The following BABAM2 variants were observed in gnomAD, a reference collection of about 807,000 sequenced individuals.
The protein encoded by BABAM2 is BRISC and BRCA1-A complex member 2.
In BABAM2, 31 loss-of-function variants were observed where a neutral mutation model predicts 54.7. The ratio of observed to expected loss-of-function variants is 0.57; its 90% confidence interval spans 0.43 to 0.77. The LOEUF (loss-of-function observed/expected upper bound fraction) is 0.77, where lower values mean the gene tolerates loss of function less well. Ranked by LOEUF, BABAM2 falls within the 30% of genes least tolerant of loss-of-function variation. The pLI is 0.00. For synonymous variants in BABAM2, 167 were observed against 162.9 expected (o/e 1.03, Z -0.19); for missense variants, 364 against 455.8 (o/e 0.80, Z 1.83).
At chr2:28,056,830 C>G (rs1260235281) in intron 6 of BABAM2, among the ~76,000 whole-genome samples, 2 of 152,168 alleles carry the variant, frequency 1.3e-5, no homozygotes, top group African/African-American at 4.8e-5. Context: ...TATTGTGTCA[C>G]TTATTATTGG....
intron 6 of BABAM2, among the ~76,000 whole-genome samples, chr2:28,112,083 CTCTTTCTT>C (rs1194065542): frequency 1.3e-4 from 13 of 98,812 alleles, no homozygotes; most frequent in African/African-American, 3.9e-4. Flanking sequence ...ATACCCATTA[CTCTTTCTT>C]TCTTTCTTTC....
chr2:28,118,220 C>A (rs1011294119), intron 6 of BABAM2, among the ~76,000 whole-genome samples: 11 of 152,128 alleles, frequency 7.2e-5, no homozygotes, highest in African/African-American at 2.7e-4. Context: ...ATTTATATTC[C>A]TTTGGGTATA....
chr2:28,027,750 A>C (rs1008524036), intron 5 of BABAM2, among the ~76,000 whole-genome samples: 4 of 152,202 alleles, frequency 2.6e-5, no homozygotes, highest in African/African-American at 9.7e-5. Flanking sequence ...GACTTTTATG[A>C]ATAATGCTGC....
intron 7 of BABAM2, among the ~76,000 whole-genome samples, chr2:28,190,634 C>T (rs939651134): frequency 6.6e-6 from 1 of 152,168 alleles, no homozygotes; most frequent in South Asian, 2.1e-4. Context: ...TTATGGAGAG[C>T]CGAGATGGCG....
chr2:28,135,836 C>T lies in BABAM2; in HGVS notation c.680+6456C>T, dbSNP rs116025131. Among the ~76,000 whole-genome samples, 635 of 152,244 alleles carry T rather than the reference C, an allele frequency of 4.2e-3. 4 individuals carry two copies. The highest frequency in any genetic ancestry group is 0.015 in the African/African-American group (613 of 41,518). On this transcript the variant is annotated intron_variant, in intron 7 of 11. Coordinates refer to ENST00000379624, the MANE Select transcript of BABAM2 (RefSeq NM_199191.3). ...TCATGCCTACTATCATTACCTAGTT[C>T]AGTCTTCCAGTTGCCATGGGTCCTG...
chr2:28,301,701 A>T (rs558173880), intron 11 of BABAM2, among the ~76,000 whole-genome samples: 57 of 151,948 alleles, frequency 3.8e-4, no homozygotes, highest in South Asian at 2.1e-4. Context: ...CATCCACTCT[A>T]CTTTGCCAGC....
chr2:28,277,584 A>G (rs989905412), intron 10 of BABAM2, among the ~76,000 whole-genome samples: 1 of 152,336 alleles, frequency 6.6e-6, no homozygotes, highest in South Asian at 2.1e-4. Flanking sequence ...ACCCCGCCCC[A>G]TGCCTGCCCT....
intron 11 of BABAM2, among the ~76,000 whole-genome samples, chr2:28,333,292 G>A (rs538988506): frequency 2.6e-5 from 4 of 152,136 alleles, no homozygotes; most frequent in African/African-American, 7.2e-5. Flanking sequence ...GCCAGGCCTC[G>A]AGCCCAGTCC....
At chr2:28,176,712 G>A (rs1010538557) in intron 7 of BABAM2, among the ~76,000 whole-genome samples, 1 of 149,628 alleles carries the variant, frequency 6.7e-6, no homozygotes, top group Non-Finnish European at 1.5e-5. Flanking sequence ...GAACCAAATG[G>A]AAATTCTGAA....
At position 28,304,819 on chromosome 2, in the gene BABAM2, C is replaced by A. The variant is rs1295907602; in HGVS notation, c.1088+6328C>A. On this transcript the variant is annotated intron_variant, in intron 11 of 11. Transcript: ENST00000379624. This position sits in a 1 kb window ranked among gnomAD's most constrained non-coding sequence, Gnocchi z 4.0. Reference sequence around the variant, plus strand: ...CTGGTCTCGAACTCCTGAGCACAGGCAATCCACCTGCCTTGGCCTCCCAAA... The same window carrying A: ...CTGGTCTCGAACTCCTGAGCACAGGAAATCCACCTGCCTTGGCCTCCCAAA... 6.7e-6 allele frequency among the ~76,000 whole-genome samples: 1 copy of A among 149,360 alleles called. No individual in the cohort carries two copies.
chr2:27,893,043 T>C (rs72810571), intron 1 of BABAM2, among the ~76,000 whole-genome samples: 4,398 of 152,342 alleles, frequency 0.029, 103 homozygotes, highest in South Asian at 0.1. Context: ...TTTTCAACAT[T>C]TATTTTAGCA....
chr2:28,214,741 C>T (rs1199551238), intron 7 of BABAM2, among the ~76,000 whole-genome samples: 5 of 150,682 alleles, frequency 3.3e-5, no homozygotes, highest in Non-Finnish European at 7.4e-5. Flanking sequence ...TGTTCTTTAT[C>T]AGCTTGGGTA....
intron 10 of BABAM2, among the ~76,000 whole-genome samples, chr2:28,295,862 C>A (rs1414789794): frequency 6.6e-6 from 1 of 152,074 alleles, no homozygotes; most frequent in Non-Finnish European, 1.5e-5. Flanking sequence ...AATCCCAGCA[C>A]TTTGGGAGGC....
intron 7 of BABAM2, among the ~76,000 whole-genome samples, chr2:28,150,989 T>C (rs1671976148): frequency 6.6e-6 from 1 of 152,232 alleles, no homozygotes; most frequent in African/African-American, 2.4e-5. Flanking sequence ...CAGCTCTGAC[T>C]CTTTAAGGAA....
At chr2:28,154,707 GA>G (rs762625166) in intron 7 of BABAM2, among the ~76,000 whole-genome samples, 15 of 152,248 alleles carry the variant, frequency 9.9e-5, no homozygotes, top group Admixed American at 2.0e-4. Flanking sequence ...CTAGCTAGAA[GA>G]GTCGTTAAAA....
chr2:28,330,920 G>A (rs1161909465), intron 11 of BABAM2, among the ~76,000 whole-genome samples: 3 of 151,478 alleles, frequency 2.0e-5, no homozygotes, highest in African/African-American at 7.3e-5. Flanking sequence ...GGCATCACGT[G>A]ACTTCAGACT....
At chr2:28,147,663 C>T (rs373488822) in intron 7 of BABAM2, among the ~76,000 whole-genome samples, 5 of 152,112 alleles carry the variant, frequency 3.3e-5, no homozygotes, top group East Asian at 1.9e-4. Context: ...TTAATAGAGA[C>T]GGGGTTTCAC....
chr2:28,286,025 G>A (rs1686770136), intron 10 of BABAM2, among the ~76,000 whole-genome samples: 1 of 149,388 alleles, frequency 6.7e-6, no homozygotes, highest in Non-Finnish European at 1.5e-5. Context: ...GTACAATCTC[G>A]GCTCACTGCA....
chr2:28,165,528 G>GTTTTTT (rs1164223138), intron 7 of BABAM2, among the ~76,000 whole-genome samples: 1 of 90,434 alleles, frequency 1.1e-5, no homozygotes, highest in African/African-American at 3.7e-5. Context: ...TTTTTTCCTT[G>GTTTTTT]CTTTTTTTTT....
Sources: allele counts gnomAD v4.1 joint callset (sites outside exome capture counted in the v4.1 genomes callset), GRCh38; gene constraint gnomAD v4.1.1; non-coding constraint Gnocchi (gnomAD v3.1); transcripts MANE v1.5; gene names NCBI Gene and HGNC (gene_info 2026-07-23, HGNC 2026-07-21).